Variants in ADK observed in about 807,000 individuals in gnomAD.
ADK encodes the protein N6,N6-dimethyladenosine kinase.
Under a neutral mutation model 44.7 loss-of-function variants are expected in ADK, and 24 were observed. That is an observed-to-expected ratio of 0.54 (90% CI 0.39 to 0.76). The LOEUF (loss-of-function observed/expected upper bound fraction) is 0.76. Among genes scored for constraint, ADK ranks in the 30% least tolerant of loss-of-function variants. The pLI is 0.00. For missense variants in ADK, 321 were observed against 425.1 expected (o/e 0.76, Z 2.15); for synonymous variants, 128 against 142.6 (o/e 0.90, Z 0.73).
At chr10:74,393,882 T>G (rs1167445792) in intron 4 of ADK, among the ~76,000 whole-genome samples, 8 of 152,226 alleles carry the variant, frequency 5.3e-5, no homozygotes, top group Non-Finnish European at 1.5e-5. Context: ...GCATTTGTCT[T>G]AAGGTCTGTA....
At chr10:74,492,509 TA>T (rs915798525) in intron 6 of ADK, among the ~76,000 whole-genome samples, 9 of 152,028 alleles carry the variant, frequency 5.9e-5, no homozygotes, top group Non-Finnish European at 1.0e-4. Context: ...ATAAAGGCAA[TA>T]AATGTGACAT....
At chr10:74,273,004 A>G (rs958809971) in intron 3 of ADK, among the ~76,000 whole-genome samples, 2 of 152,180 alleles carry the variant, frequency 1.3e-5, no homozygotes, top group Admixed American at 6.5e-5. Flanking sequence ...AAGGGTGAAT[A>G]ATAAGAGATG....
At chr10:74,174,502 C>T (rs1377239043) in intron 1 of ADK, 2 of 152,002 alleles carry the variant, frequency 1.3e-5, no homozygotes, top group Non-Finnish European at 2.9e-5. Flanking sequence ...TCACTGATAC[C>T]TGCAGTGCCA....
chr10:74,593,564 C>T (rs1411855786), intron 8 of ADK, among the ~76,000 whole-genome samples: 1 of 151,896 alleles, frequency 6.6e-6, no homozygotes, highest in African/African-American at 2.4e-5. Context: ...ACTTAATGTA[C>T]TATGTACTCC....
chr10:74,185,842 G>GAAAAAAA (rs71021593), intron 1 of ADK, among the ~76,000 whole-genome samples: 49 of 65,710 alleles, frequency 7.5e-4, no homozygotes, highest in South Asian at 1.1e-3. Context: ...GTCTCAAAAA[G>GAAAAAAA]AAAAAAAAAA....
chr10:74,664,949 AT>A (rs1202645995), intron 9 of ADK, among the ~76,000 whole-genome samples: 3 of 152,244 alleles, frequency 2.0e-5, no homozygotes, highest in Non-Finnish European at 2.9e-5. Flanking sequence ...TGGACTATAG[AT>A]TAGATTAAAA....
intron 6 of ADK, among the ~76,000 whole-genome samples, chr10:74,422,541 T>C (rs567520621): frequency 2.6e-5 from 4 of 152,316 alleles, no homozygotes; most frequent in South Asian, 2.1e-4. Context: ...GATGCTAAGA[T>C]AGTGACATTA....
chr10:74,162,873 C>A (rs542802755), intron 1 of ADK, among the ~76,000 whole-genome samples: 1 of 152,106 alleles, frequency 6.6e-6, no homozygotes, highest in Non-Finnish European at 1.5e-5. Context: ...TTCTGGTGAC[C>A]ATAGTGAGCT....
chr10:74,514,031 CTG>C (rs1304356823), intron 6 of ADK, among the ~76,000 whole-genome samples: 2 of 152,130 alleles, frequency 1.3e-5, no homozygotes, highest in African/African-American at 4.8e-5. Context: ...TTTTGCTAGT[CTG>C]TGAAATATTT....
At chr10:74,310,809 C>T (rs1840408724) in intron 3 of ADK, among the ~76,000 whole-genome samples, 1 of 152,006 alleles carries the variant, frequency 6.6e-6, no homozygotes, top group South Asian at 2.1e-4. Context: ...TTTCTGAATA[C>T]GTCATGTTTA....
chr10:74,612,171 A>G (rs1304352763), intron 9 of ADK, among the ~76,000 whole-genome samples: 4 of 152,134 alleles, frequency 2.6e-5, no homozygotes, highest in African/African-American at 9.7e-5. Context: ...GCTAACTAGT[A>G]TTATGATATC....
In ADK at chr10:74,258,900, G is replaced by T. The variant is rs552575377; in HGVS notation, c.194+34309G>T. On this transcript the variant is annotated intron_variant, in intron 3 of 10. Coordinates refer to ENST00000539909, the MANE Select transcript of ADK (RefSeq NM_006721.4). The stretch of plus-strand genomic sequence containing the variant: ...ATTGTTTAACGTATACATAATATAA[G>T]AATTCCTTGAGTGAATATCTTTTTT... 4.1e-4 allele frequency among the ~76,000 whole-genome samples: 62 copies of T among 150,276 alleles called. 1 individual carries two copies. The Middle Eastern group carries it at 0.01, about 25-fold the overall frequency.
chr10:74,568,635 ATTTC>A (rs746650003), intron 7 of ADK, among the ~76,000 whole-genome samples: 130 of 148,324 alleles, frequency 8.8e-4, no homozygotes, highest in Non-Finnish European at 1.5e-3. Context: ...TTCTATGGTT[ATTTC>A]TTTTTTTTTT....
At chr10:74,434,943 A>G (rs572042579) in intron 6 of ADK, among the ~76,000 whole-genome samples, 1 of 152,310 alleles carries the variant, frequency 6.6e-6, no homozygotes, top group East Asian at 1.9e-4. Context: ...TTTATATATA[A>G]TCTGTAAACT....
At chr10:74,571,147 C>A (rs908575733) in intron 7 of ADK, among the ~76,000 whole-genome samples, 330 of 152,292 alleles carry the variant, frequency 2.2e-3, no homozygotes, top group Non-Finnish European at 2.4e-3. Context: ...CCCACTTGAT[C>A]ATGGTGGATA....
intron 3 of ADK, among the ~76,000 whole-genome samples, chr10:74,272,807 G>C (rs4746192): frequency 0.65 from 99,347 of 151,956 alleles, 33,631 homozygotes; most frequent in Middle Eastern, 0.81. Flanking sequence ...TACAAAGAAA[G>C]TTCAGTCTGT....
intron 10 of ADK, among the ~76,000 whole-genome samples, chr10:74,689,432 A>T (rs988062076): frequency 6.6e-6 from 1 of 152,214 alleles, no homozygotes; most frequent in Non-Finnish European, 1.5e-5. Context: ...AATAGGCAGT[A>T]ACATACAGGT....
intron 1 of ADK, among the ~76,000 whole-genome samples, chr10:74,166,947 T>C (rs1221907792): frequency 6.6e-6 from 1 of 152,192 alleles, no homozygotes; most frequent in Non-Finnish European, 1.5e-5. Flanking sequence ...TCTGGATTTG[T>C]GAATGCACCT....
intron 6 of ADK, among the ~76,000 whole-genome samples, chr10:74,404,911 T>G (rs7906603): frequency 0.65 from 98,180 of 151,994 alleles, 33,048 homozygotes; most frequent in Middle Eastern, 0.8. Context: ...TTTCTTGTGC[T>G]TGGGTTTTGT....
Sources: allele counts gnomAD v4.1 joint callset (sites outside exome capture counted in the v4.1 genomes callset), GRCh38; gene constraint gnomAD v4.1.1; transcripts MANE v1.5; gene names NCBI Gene and HGNC (gene_info 2026-07-23, HGNC 2026-07-21).